The following TMEM217 variants were observed in gnomAD, a reference collection of about 807,000 sequenced individuals.
TMEM217 encodes transmembrane protein 217.
For missense variants in TMEM217, 204 were observed against 248.8 expected, an observed-to-expected ratio of 0.82 and a Z score of 1.21; for synonymous variants, 76 against 88.3, an observed-to-expected ratio of 0.86 and a Z score of 0.78.
At chr6:37,257,971 G>A in exon 1 of TMEM217, 1 of 1,614,130 alleles carries the variant, frequency 6.2e-7, no homozygotes, top group Non-Finnish European at 8.5e-7. Flanking sequence ...AGCTGCCGGG[G>A]AGGTGAGCCC....
At chr6:37,221,624 T>C (rs1345403934) in intron 1 of TMEM217, among the ~76,000 whole-genome samples, 1 of 152,108 alleles carries the variant, frequency 6.6e-6, no homozygotes, top group Non-Finnish European at 1.5e-5. Flanking sequence ...AAACTGAAAA[T>C]ATATGAAGAA....
chr6:37,218,379 C>G, exon 2 of TMEM217: 1 of 1,436,638 alleles, frequency 7.0e-7, no homozygotes, highest in Non-Finnish European at 9.4e-7. Context: ...CCATGGCTGC[C>G]AAGGCCAGGC....
At chr6:37,256,293 A>G (rs904055438) in intron 1 of TMEM217, among the ~76,000 whole-genome samples, 2 of 152,220 alleles carry the variant, frequency 1.3e-5, no homozygotes, top group Non-Finnish European at 2.9e-5. Flanking sequence ...TACTCTTTCA[A>G]GACATCAACT....
intron 1 of TMEM217, among the ~76,000 whole-genome samples, chr6:37,233,295 T>C (rs1250928784): frequency 6.6e-6 from 1 of 152,116 alleles, no homozygotes; most frequent in Non-Finnish European, 1.5e-5. Flanking sequence ...TTCCCACCAA[T>C]CTCTTGAATC....
rs367675539 is a variant in TMEM217, at chr6:37,218,955, C to T, written c.76G>A (p.Val26Ile). The stretch of plus-strand genomic sequence containing the variant: ...TGTTCAAAGATGAGATACATGTCTA[C>T]GGCCATGATGGTGAAGACCCCTGAC... Residue 26 changes from valine (V) to isoleucine (I), a missense_variant, in exon 2 of 2, where the codon GTA becomes ATA. Transcript: ENST00000357219. The T allele has an allele frequency of 1.1e-5, 17 of 1,614,194 alleles. No homozygotes were observed. The highest frequency in any genetic ancestry group is 4.0e-5 in the African/African-American group (3 of 75,038).
At chr6:37,252,911 A>T (rs376909779) in intron 1 of TMEM217, among the ~76,000 whole-genome samples, 2 of 151,722 alleles carry the variant, frequency 1.3e-5, no homozygotes, top group East Asian at 1.9e-4. Flanking sequence ...AAGTGCTGGG[A>T]TTGCAGGTGT....
intron 1 of TMEM217, among the ~76,000 whole-genome samples, chr6:37,222,991 T>G (rs1344816134): frequency 1.3e-5 from 2 of 152,194 alleles, no homozygotes; most frequent in African/African-American, 4.8e-5. Context: ...AATTAAAAAT[T>G]CAGTGGACAT....
chr6:37,213,498 C>T (rs1250568781), downstream of TMEM217, among the ~76,000 whole-genome samples: 2 of 152,230 alleles, frequency 1.3e-5, no homozygotes, highest in African/African-American at 4.8e-5. Flanking sequence ...TGGGCATGGC[C>T]CAGCCTTGTC....
exon 2 of TMEM217, chr6:37,218,992 C>T: frequency 1.2e-6 from 2 of 1,614,152 alleles, no homozygotes; most frequent in South Asian, 2.2e-5. Flanking sequence ...ACACGGTGCC[C>T]ATTTTGGCAG....
intron 1 of TMEM217, among the ~76,000 whole-genome samples, chr6:37,252,859 C>T (rs572312768): frequency 6.6e-6 from 1 of 151,586 alleles, no homozygotes; most frequent in South Asian, 2.1e-4. Context: ...AGGCTGGTCT[C>T]GAACTCCTGA....
At chr6:37,255,425 T>G (rs9462288) in intron 1 of TMEM217, among the ~76,000 whole-genome samples, 5,925 of 152,232 alleles carry the variant, frequency 0.039, 191 homozygotes, top group African/African-American at 0.097. Flanking sequence ...CTCCCACCTG[T>G]AATACTAGCT....
chr6:37,213,707 G>A (rs975167435), downstream of TMEM217, among the ~76,000 whole-genome samples: 1 of 152,234 alleles, frequency 6.6e-6, no homozygotes, highest in Admixed American at 6.5e-5. Flanking sequence ...GGAACCTGGT[G>A]CCCGAGCCGA....
At chr6:37,214,770 C>G (rs1763094344), downstream of TMEM217, among the ~76,000 whole-genome samples, 2 of 152,192 alleles carry the variant, frequency 1.3e-5, no homozygotes, top group African/African-American at 4.8e-5. Context: ...TCTCCACCAT[C>G]CTCCCAACCC....
At chr6:37,226,592 C>T (rs1049044499) in intron 1 of TMEM217, among the ~76,000 whole-genome samples, 2 of 150,380 alleles carry the variant, frequency 1.3e-5, no homozygotes, top group Non-Finnish European at 1.5e-5. Flanking sequence ...CCACTGCGCC[C>T]GGCCGAGACA....
chr6:37,247,272 C>T (rs965370260), intron 1 of TMEM217, among the ~76,000 whole-genome samples: 1 of 152,112 alleles, frequency 6.6e-6, no homozygotes, highest in African/African-American at 2.4e-5. Flanking sequence ...GAAGCTGACC[C>T]TGAGACAAGG....
At position 37,236,647 on chromosome 6, in the gene TMEM217, G is replaced by T. The variant is rs553936896; in HGVS notation, c.-11-17606C>A. 6.6e-5 allele frequency among the ~76,000 whole-genome samples: 9 copies of T among 136,664 alleles called. No homozygotes were observed. In the East Asian group the frequency reaches 1.9e-3, roughly 29 times the overall value. 89.7% of individuals were successfully genotyped at this position (136,664 alleles called of 152,430 possible). On this transcript the variant is annotated intron_variant, in intron 1 of 1. Transcript: ENST00000357219. The stretch of plus-strand genomic sequence containing the variant: ...GTCTCAGTTTGCTCATCTTTAAATT[G>T]GATGTGCCAGTACTATTTTTTTTTT...
At chr6:37,218,991 C>G in exon 2 of TMEM217, 1 of 1,614,076 alleles carries the variant, frequency 6.2e-7, no homozygotes, top group South Asian at 1.1e-5. Flanking sequence ...AACACGGTGC[C>G]CATTTTGGCA....
intron 1 of TMEM217, among the ~76,000 whole-genome samples, chr6:37,240,309 A>G (rs939029156): frequency 6.6e-6 from 1 of 152,214 alleles, no homozygotes; most frequent in Non-Finnish European, 1.5e-5. Context: ...GCTGGGGGCC[A>G]TCTAAAGGCT....
chr6:37,235,824 T>C (rs575361374), intron 1 of TMEM217, among the ~76,000 whole-genome samples: 1 of 152,264 alleles, frequency 6.6e-6, no homozygotes, highest in African/African-American at 2.4e-5. Flanking sequence ...ACTAGTTCCC[T>C]CTAGTCCTTT....
Sources: gnomAD v4.1 joint callset for allele counts (sites outside exome capture counted in the v4.1 genomes callset) on GRCh38, gnomAD v4.1.1 for gene constraint, MANE v1.5 for transcripts, NCBI Gene and HGNC (gene_info 2026-07-23, HGNC 2026-07-21) for gene names.